ATRNL1: variants seen among roughly 807,000 people sequenced by gnomAD.
ATRNL1 encodes the protein attractin-like protein 1.
A neutral mutation model predicts 182.7 loss-of-function variants in ATRNL1; 95 were observed. That is an observed-to-expected ratio of 0.52 (90% CI 0.44 to 0.62). The LOEUF (loss-of-function observed/expected upper bound fraction) is 0.62, where lower values mean the gene tolerates loss of function less well. ATRNL1 is among the 20% of genes least tolerant of loss of function. The probability of loss-of-function intolerance (pLI) is 0.00; values close to 1 mark genes in which losing one functional copy is unlikely to be tolerated. For missense variants in ATRNL1, 1,471 were observed against 1,679.5 expected, an observed-to-expected ratio of 0.88 and a Z score of 2.17; for synonymous variants, 576 against 568.3, an observed-to-expected ratio of 1.01 and a Z score of -0.19.
intron 10 of ATRNL1, among the ~76,000 whole-genome samples, chr10:115,255,775 T>A (rs1202154560): frequency 6.6e-6 from 1 of 152,206 alleles, no homozygotes; most frequent in Non-Finnish European, 1.5e-5. Flanking sequence ...GCTGTGGGTT[T>A]TTCATAAATA....
chr10:115,576,685 G>C (rs547312939), intron 26 of ATRNL1, among the ~76,000 whole-genome samples: 11 of 152,036 alleles, frequency 7.2e-5, no homozygotes, highest in African/African-American at 2.7e-4. Context: ...TCCATTAACT[G>C]CCCTTTTCTT....
chr10:115,264,085 T>C (rs1423719060), intron 10 of ATRNL1, among the ~76,000 whole-genome samples: 10 of 93,354 alleles, frequency 1.1e-4, no homozygotes, highest in South Asian at 4.2e-4. Flanking sequence ...ATCATTCTCT[T>C]TTTTTTTTTA....
chr10:115,473,925 A>T (rs982696423), intron 24 of ATRNL1, among the ~76,000 whole-genome samples: 3 of 151,246 alleles, frequency 2.0e-5, no homozygotes, highest in African/African-American at 7.3e-5. Context: ...ATGTCTCCTT[A>T]TACATTTATA....
At chr10:115,783,492 T>G (rs1949319154) in intron 27 of ATRNL1, among the ~76,000 whole-genome samples, 1 of 152,112 alleles carries the variant, frequency 6.6e-6, no homozygotes, top group African/African-American at 2.4e-5. Flanking sequence ...AATAGAACAA[T>G]AATGCTTAAG....
rs782794464 is a variant in ATRNL1 at position 115,121,832 on chromosome 10, C to T, written c.491+20C>T. 6 of 1,221,100 alleles carry T rather than the reference C, an allele frequency of 4.9e-6. No individual in the cohort carries two copies. In the South Asian group the frequency reaches 7.1e-5, roughly 15 times the overall value. The allele number at this position is 1,221,100 out of a possible 1,614,324, so 75.6% of individuals were successfully genotyped here. ...ACTTAGGTGAGTAATTATATTTAATCAGTTGCAGAAAAGTGACTGTGTAAT... is the reference window on the plus strand; with the variant it reads ...ACTTAGGTGAGTAATTATATTTAATTAGTTGCAGAAAAGTGACTGTGTAAT... On this transcript the variant is annotated intron_variant, in intron 3 of 28. Transcript: ENST00000355044.
At chr10:115,438,403 C>T (rs1480348553) in intron 21 of ATRNL1, among the ~76,000 whole-genome samples, 1 of 151,982 alleles carries the variant, frequency 6.6e-6, no homozygotes, top group Non-Finnish European at 1.5e-5. Flanking sequence ...TGCTCTTCAT[C>T]ATCCCAAGCA....
intron 25 of ATRNL1, among the ~76,000 whole-genome samples, chr10:115,541,136 G>A (rs78090614): frequency 0.013 from 1,936 of 152,206 alleles, 31 homozygotes; most frequent in African/African-American, 0.044. Context: ...AAGTCACACA[G>A]TAGTACGAAA....
intron 26 of ATRNL1, among the ~76,000 whole-genome samples, chr10:115,569,094 A>G (rs1854233827): frequency 6.6e-6 from 1 of 152,114 alleles, no homozygotes; most frequent in Admixed American, 6.5e-5. Context: ...TGTTAGAAAT[A>G]TTAGAATGTG....
At chr10:115,919,067 T>C (rs1952966348) in intron 28 of ATRNL1, among the ~76,000 whole-genome samples, 2 of 152,018 alleles carry the variant, frequency 1.3e-5, no homozygotes, top group Non-Finnish European at 2.9e-5. Context: ...CATAACCCCA[T>C]AGGAAGAAGA....
intron 1 of ATRNL1, among the ~76,000 whole-genome samples, chr10:115,105,703 T>C (rs1843977567): frequency 6.6e-6 from 1 of 152,236 alleles, no homozygotes; most frequent in African/African-American, 2.4e-5. Context: ...CAGCTCAGGC[T>C]GTGGCTTCAG....
chr10:115,393,107 G>C (rs1283043889), intron 19 of ATRNL1, among the ~76,000 whole-genome samples: 1 of 152,084 alleles, frequency 6.6e-6, no homozygotes, highest in Non-Finnish European at 1.5e-5. Flanking sequence ...TCCCTTGGCA[G>C]GCAGAAGACT....
chr10:115,175,990 A>G (rs1410799405), intron 8 of ATRNL1, among the ~76,000 whole-genome samples: 1 of 152,198 alleles, frequency 6.6e-6, no homozygotes, highest in East Asian at 1.9e-4. Flanking sequence ...TGACTTTTTA[A>G]TGATCGCCAT....
intron 27 of ATRNL1, 36 bp from the exon 28 acceptor site, chr10:115,847,841 C>A: frequency 8.7e-7 from 1 of 1,151,428 alleles, no homozygotes; most frequent in Non-Finnish European, 1.3e-6. Flanking sequence ...AATGCTATGT[C>A]AATTTTGCAA....
intron 26 of ATRNL1, among the ~76,000 whole-genome samples, chr10:115,697,549 C>T (rs1249221064): frequency 6.6e-6 from 1 of 152,126 alleles, no homozygotes; most frequent in Non-Finnish European, 1.5e-5. Context: ...TGGTCTGAAA[C>T]TCCTGAGCTC....
At chr10:115,367,477 G>T (rs1194336371) in intron 19 of ATRNL1, among the ~76,000 whole-genome samples, 18 of 149,852 alleles carry the variant, frequency 1.2e-4, no homozygotes, top group African/African-American at 3.9e-4. Context: ...TCCTCCCATA[G>T]CTCAGAGTAA....
intron 26 of ATRNL1, among the ~76,000 whole-genome samples, chr10:115,592,014 T>A (rs541528975): frequency 6.6e-6 from 1 of 152,318 alleles, no homozygotes; most frequent in African/African-American, 2.4e-5. Flanking sequence ...AATCATGCCC[T>A]GTGCAGCAGC....
At chr10:115,206,272 G>A (rs1564820064) in intron 8 of ATRNL1, among the ~76,000 whole-genome samples, 1 of 151,930 alleles carries the variant, frequency 6.6e-6, no homozygotes, top group Non-Finnish European at 1.5e-5. Context: ...CAGTTTAATT[G>A]TTACATGCTT....
At chr10:115,457,522 A>G (rs1490538103) in intron 21 of ATRNL1, among the ~76,000 whole-genome samples, 1 of 151,958 alleles carries the variant, frequency 6.6e-6, no homozygotes, top group East Asian at 1.9e-4. Flanking sequence ...TCCTGTCACT[A>G]CAAATACTAT....
chr10:115,815,110 A>T (rs1950131250), intron 27 of ATRNL1, among the ~76,000 whole-genome samples: 1 of 152,144 alleles, frequency 6.6e-6, no homozygotes, highest in South Asian at 2.1e-4. Context: ...CAAACACCAC[A>T]AAATTAATCC....
Sources: allele counts gnomAD v4.1 joint callset (sites outside exome capture counted in the v4.1 genomes callset), GRCh38; gene constraint gnomAD v4.1.1; transcripts MANE v1.5; gene names NCBI Gene and HGNC (gene_info 2026-07-23, HGNC 2026-07-21).